Variants in CHMP2B observed in about 807,000 individuals in gnomAD.
CHMP2B encodes the protein VPS2 homolog B.
In CHMP2B, 22 loss-of-function variants were observed where a neutral mutation model predicts 29.8. The observed-to-expected ratio is 0.74, with a 90% CI of 0.53 to 1.05. CHMP2B has a LOEUF of 1.05. Ranked by LOEUF, CHMP2B falls within the 50% of genes least tolerant of loss-of-function variation. The probability of loss-of-function intolerance (pLI) is 0.00; values close to 1 mark genes in which losing one functional copy is unlikely to be tolerated. For synonymous variants in CHMP2B, 78 were observed against 75.8 expected, an observed-to-expected ratio of 1.03 and a Z score of -0.15; for missense variants, 261 against 252.2, an observed-to-expected ratio of 1.03 and a Z score of -0.24.
At chr3:87,242,280 G>T (rs1304794999) in intron 2 of CHMP2B, among the ~76,000 whole-genome samples, 1 of 151,948 alleles carries the variant, frequency 6.6e-6, no homozygotes, top group Non-Finnish European at 1.5e-5. Context: ...GAATGAAAGG[G>T]TTTTTTGGGT....
At chr3:87,250,044 T>C in intron 4 of CHMP2B, 67 bp downstream of exon 4, 1 of 926,770 alleles carries the variant, frequency 1.1e-6, no homozygotes, top group Non-Finnish European at 1.7e-6. Context: ...TTATTTACTA[T>C]GTCTCATATT....
chr3:87,227,692 G>T (rs1280656924), intron 1 of CHMP2B, 136 bp downstream of exon 1: 2 of 1,115,420 alleles, frequency 1.8e-6, no homozygotes, highest in Non-Finnish European at 2.7e-6. Flanking sequence ...CCGCCCTCGC[G>T]GCACCACTTC....
intron 1 of CHMP2B, among the ~76,000 whole-genome samples, chr3:87,231,293 T>A (rs1218949048): frequency 1.3e-5 from 2 of 152,182 alleles, no homozygotes; most frequent in Non-Finnish European, 2.9e-5. Flanking sequence ...CCTCTTCCAG[T>A]GTTGACAGTG....
chr3:87,247,889 A>G (rs1021268092), intron 3 of CHMP2B, among the ~76,000 whole-genome samples: 5 of 152,336 alleles, frequency 3.3e-5, no homozygotes, highest in Non-Finnish European at 7.4e-5. Flanking sequence ...CATTATATAC[A>G]TGTAACAAAA....
intron 3 of CHMP2B, among the ~76,000 whole-genome samples, chr3:87,248,968 A>G (rs765199011): frequency 3.3e-5 from 5 of 152,204 alleles, no homozygotes; most frequent in Admixed American, 6.5e-5. Context: ...ATAAAAATGC[A>G]GTCATGTCTG....
intron 1 of CHMP2B, among the ~76,000 whole-genome samples, chr3:87,237,088 G>A (rs1368045202): frequency 1.3e-5 from 2 of 152,248 alleles, no homozygotes; most frequent in East Asian, 1.9e-4. Context: ...AAAGAGGATC[G>A]AGTGTGTTTG....
intron 4 of CHMP2B, among the ~76,000 whole-genome samples, chr3:87,252,209 T>A (rs1575971892): frequency 6.6e-6 from 1 of 151,960 alleles, no homozygotes; most frequent in East Asian, 1.9e-4. Flanking sequence ...GTAGGAGCAT[T>A]GCATAGACAA....
intron 1 of CHMP2B, among the ~76,000 whole-genome samples, chr3:87,234,058 C>A (rs1410415600): frequency 1.3e-5 from 2 of 152,130 alleles, no homozygotes; most frequent in South Asian, 2.1e-4. Context: ...TAGCTCCCCA[C>A]CTTCCCCCAA....
intron 1 of CHMP2B, among the ~76,000 whole-genome samples, chr3:87,230,171 C>G (rs1244111439): frequency 6.6e-6 from 1 of 152,110 alleles, no homozygotes. Context: ...CAGGATCCCA[C>G]TAGGACTTGT....
intron 3 of CHMP2B, among the ~76,000 whole-genome samples, chr3:87,249,128 T>G (rs1038622757): frequency 2.0e-5 from 3 of 152,152 alleles, no homozygotes; most frequent in Admixed American, 6.5e-5. Flanking sequence ...TAGGCTACAC[T>G]GTACTGGATT....
At chr3:87,241,353 G>A (rs1364989176) in intron 2 of CHMP2B, among the ~76,000 whole-genome samples, 1 of 152,022 alleles carries the variant, frequency 6.6e-6, no homozygotes, top group East Asian at 1.9e-4. Flanking sequence ...CAATTTGATA[G>A]GTTTTTGACA....
Position 87,245,709 on chromosome 3 carries a change from C to A in CHMP2B, c.127-5C>A. On this transcript the variant is annotated splice_region_variant and splice_polypyrimidine_tract_variant and intron_variant, in intron 2 of 5. Transcript: ENST00000263780. ...TTATTTTCTTTTGTTTGTTTCTTCT[C>A]TTAGGAATTAGAAATTAAGAAAATG... 1 of 1,609,718 alleles carries A rather than the reference C, an allele frequency of 6.2e-7. No homozygotes were observed. Among genetic ancestry groups the A allele is most frequent in the South Asian group, 1.1e-5 (1 of 90,712 alleles).
intron 3 of CHMP2B, 138 bp from the exon 4 acceptor site, chr3:87,249,737 A>T (rs1706279591): frequency 3.8e-6 from 2 of 530,950 alleles, no homozygotes; most frequent in South Asian, 2.6e-5. Context: ...TAGAATATTT[A>T]ACAGTCTATG....
chr3:87,254,102 C>G lies in CHMP2B; in HGVS notation c.*280C>G, dbSNP rs1706361700. ...TGCATGGCACAGAGAAATTATATTC[C>G]TTACTTCATGTCAGTTTATGTTCTA... On this transcript the variant is annotated 3_prime_UTR_variant, in exon 6 of 6. Transcript: ENST00000263780. The G allele has an allele frequency of 3.2e-6, 1 of 310,588 alleles. No individual in the cohort carries two copies. Among genetic ancestry groups the G allele is most frequent in the Non-Finnish European group, 6.2e-6 (1 of 162,354 alleles). The allele number at this position is 310,588 out of a possible 1,614,324, so 19.2% of individuals were successfully genotyped here. A position where few individuals can be genotyped will look rare whatever the true frequency, so the allele number is the denominator to read the frequency against.
chr3:87,250,379 T>C (rs1162713483), intron 4 of CHMP2B, among the ~76,000 whole-genome samples: 1 of 151,926 alleles, frequency 6.6e-6, no homozygotes, highest in East Asian at 1.9e-4. Context: ...TAATATTTAG[T>C]TTTTGTCTTT....
rs141487881 is a variant in CHMP2B at position 87,231,738 on chromosome 3, A to G, written c.34+4182A>G. Among the ~76,000 whole-genome samples, 61 of 152,184 alleles carry G rather than the reference A, an allele frequency of 4.0e-4. 1 individual carries two copies. In the East Asian group the frequency reaches 0.01, roughly 25 times the overall value. ...CTCCCATACTCTTTCTCACCCTGAC[A>G]TATTTTTGCTTTTGATGCCCTTATG... On this transcript the variant is annotated intron_variant, in intron 1 of 5. Transcript: ENST00000263780.
At chr3:87,229,015 G>C (rs1705861191) in intron 1 of CHMP2B, among the ~76,000 whole-genome samples, 1 of 151,992 alleles carries the variant, frequency 6.6e-6, no homozygotes, top group Non-Finnish European at 1.5e-5. Context: ...GTTTTATATA[G>C]TGAGAATTTA....
chr3:87,238,090 A>T (rs911934277), intron 1 of CHMP2B, among the ~76,000 whole-genome samples: 1 of 152,212 alleles, frequency 6.6e-6, no homozygotes, highest in Non-Finnish European at 1.5e-5. Context: ...GCTTTTATTC[A>T]GAAAGTAATT....
Position 87,240,758 on chromosome 3 carries a change from C to T in CHMP2B, c.94C>T (p.Arg32Ter), listed in dbSNP as rs763615051. Residue 32 changes from arginine (R) to a stop codon, truncating the protein, a stop_gained, in exon 2 of 6, where the codon CGA becomes TGA. Coordinates refer to ENST00000263780, the MANE Select transcript of CHMP2B (RefSeq NM_014043.4). LOFTEE classifies it high-confidence loss of function. ...TACACAGAGGGCTATAATCAGAGAT[C>T]GAGCAGCTTTAGAGAAACAAGAAAA... ...RGTQRAIIRD[R>*]AALEKQEKQL... 18 of 1,613,244 alleles carry T rather than the reference C, an allele frequency of 1.1e-5. No individual in the cohort carries two copies. The highest frequency in any genetic ancestry group is 2.2e-5 in the East Asian group (1 of 44,848).
Sources: gnomAD v4.1 joint callset for allele counts (sites outside exome capture counted in the v4.1 genomes callset) on GRCh38, gnomAD v4.1.1 for gene constraint, MANE v1.5 for transcripts, NCBI Gene and HGNC (gene_info 2026-07-23, HGNC 2026-07-21) for gene names.